TRERF1: variants seen among roughly 807,000 people sequenced by gnomAD.
TRERF1 encodes transcriptional-regulating factor 1.
TRERF1 carries 27 observed loss-of-function variants against 122.9 expected under a neutral mutation model. The ratio of observed to expected loss-of-function variants is 0.22; its 90% confidence interval spans 0.16 to 0.30. The LOEUF (loss-of-function observed/expected upper bound fraction) is 0.30, where lower values mean the gene tolerates loss of function less well. Ranked by LOEUF, TRERF1 falls within the 10% of genes least tolerant of loss-of-function variation. The pLI is 1.00. For missense variants in TRERF1, 1,248 were observed against 1,560.3 expected (o/e 0.80, Z 3.37); for synonymous variants, 636 against 641.7 (o/e 0.99, Z 0.13).
At chr6:42,300,124 G>C (rs1206626923) in intron 4 of TRERF1, among the ~76,000 whole-genome samples, 1 of 152,138 alleles carries the variant, frequency 6.6e-6, no homozygotes, top group Admixed American at 6.5e-5. Flanking sequence ...TGAAAGCCAA[G>C]TCTTTGTGGT....
intron 2 of TRERF1, among the ~76,000 whole-genome samples, chr6:42,437,540 G>A (rs377088940): frequency 6.6e-6 from 1 of 152,294 alleles, no homozygotes; most frequent in East Asian, 1.9e-4. Context: ...GAGGCTCCAA[G>A]AGTTAGCGCT....
At chr6:42,244,091 G>A (rs1774303646) in intron 14 of TRERF1, among the ~76,000 whole-genome samples, 1 of 151,938 alleles carries the variant, frequency 6.6e-6, no homozygotes, top group Non-Finnish European at 1.5e-5. Flanking sequence ...ATGTTGGCCA[G>A]GCTAGTCTCG....
chr6:42,268,017 A>G lies in TRERF1; in HGVS notation c.1437+137T>C, dbSNP rs1779514418. On this transcript the variant is annotated intron_variant, in intron 5 of 17. Coordinates refer to ENST00000372922, the Ensembl canonical transcript of TRERF1. This position sits in a 1 kb window ranked among gnomAD's most constrained non-coding sequence, Gnocchi z 4.4. ...GTGCTTGGCACAGACAGTGCGTGAC[A>G]CATGTAGGTTAATGTTTGTGGAATT... The G allele has an allele frequency of 1.9e-6, 2 of 1,079,818 alleles. No homozygotes were observed. The highest frequency in any genetic ancestry group is 2.5e-6 in the Non-Finnish European group (2 of 811,326). The allele number at this position is 1,079,818 out of a possible 1,614,324, so 66.9% of individuals were successfully genotyped here. A position where few individuals can be genotyped will look rare whatever the true frequency, so the allele number is the denominator to read the frequency against.
chr6:42,293,710 T>C (rs756379334), intron 4 of TRERF1, among the ~76,000 whole-genome samples: 1 of 151,772 alleles, frequency 6.6e-6, no homozygotes, highest in Non-Finnish European at 1.5e-5. Flanking sequence ...TCAGATGGGG[T>C]TCTTTTAAGC....
At chr6:42,451,699 T>C (rs954980888) in intron 1 of TRERF1, among the ~76,000 whole-genome samples, 9 of 146,560 alleles carry the variant, frequency 6.1e-5, no homozygotes, top group African/African-American at 2.3e-4. Flanking sequence ...CAGGCTCTCC[T>C]GATGCTGGAA....
At chr6:42,391,951 C>CTG (rs1283470350) in intron 2 of TRERF1, among the ~76,000 whole-genome samples, 1 of 152,198 alleles carries the variant, frequency 6.6e-6, no homozygotes, top group East Asian at 1.9e-4. Flanking sequence ...TCAGGCTGGG[C>CTG]TGTGTCTCAG....
At chr6:42,240,776 G>C (rs1021534877) in intron 15 of TRERF1, among the ~76,000 whole-genome samples, 1 of 152,126 alleles carries the variant, frequency 6.6e-6, no homozygotes, top group Non-Finnish European at 1.5e-5. Flanking sequence ...GGGAGAGGAG[G>C]GAAGGGCCAT....
intron 3 of TRERF1, among the ~76,000 whole-genome samples, chr6:42,323,355 C>T (rs1327643227): frequency 6.6e-5 from 10 of 152,096 alleles, no homozygotes; most frequent in African/African-American, 1.4e-4. Flanking sequence ...TGCACCACCA[C>T]GCCCGGCTAA....
At chr6:42,390,427 A>G (rs1474933249) in intron 2 of TRERF1, among the ~76,000 whole-genome samples, 14 of 152,156 alleles carry the variant, frequency 9.2e-5, no homozygotes, top group Admixed American at 9.2e-4. Context: ...ACCATTTGAG[A>G]GAGCTATGTG....
At chr6:42,408,642 T>C (rs910700596) in intron 2 of TRERF1, among the ~76,000 whole-genome samples, 4 of 152,062 alleles carry the variant, frequency 2.6e-5, no homozygotes, top group Admixed American at 2.0e-4. Context: ...CCTCTCAAAG[T>C]GCTGGGATTA....
intron 3 of TRERF1, among the ~76,000 whole-genome samples, chr6:42,348,791 C>T (rs1029750057): frequency 5.9e-5 from 9 of 152,038 alleles, no homozygotes; most frequent in African/African-American, 2.2e-4. Context: ...CAACCATTGA[C>T]TGACTATTTA....
intron 3 of TRERF1, among the ~76,000 whole-genome samples, chr6:42,304,771 C>T (rs531066005): frequency 1.3e-5 from 2 of 152,300 alleles, no homozygotes; most frequent in East Asian, 3.9e-4. Flanking sequence ...TGCAAAATCA[C>T]TCCCAGTTGA....
At position 42,268,097 on chromosome 6, in the gene TRERF1, T is replaced by A; in HGVS notation, c.1437+57A>T. The A allele has an allele frequency of 7.2e-7, 1 of 1,392,182 alleles. No individual in the cohort carries two copies. Among genetic ancestry groups the A allele is most frequent in the South Asian group, 2.3e-5 (1 of 43,850 alleles). 86.2% of individuals were successfully genotyped at this position (1,392,182 alleles called of 1,614,324 possible). On this transcript the variant is annotated intron_variant, in intron 5 of 17. Transcript: ENST00000372922. The surrounding 1 kb of genome is among the most constrained non-coding windows in gnomAD (Gnocchi z 4.4). ...GGAGAGAGGATTGAGCACTGCAGAC[T>A]CAGCCCTGACCCTGTAGCACACTGG...
chr6:42,390,147 C>G (rs975207828), intron 2 of TRERF1, among the ~76,000 whole-genome samples: 2 of 152,188 alleles, frequency 1.3e-5, no homozygotes, highest in Non-Finnish European at 2.9e-5. Flanking sequence ...TCTACTTTCC[C>G]CACGTCTTCG....
rs1033113938 is a variant in TRERF1 at position 42,275,272 on chromosome 6, T to C, written c.-258-5424A>G. On this transcript the variant is annotated intron_variant, in intron 4 of 17. Coordinates refer to ENST00000372922, the Ensembl canonical transcript of TRERF1. The surrounding 1 kb of genome is among the most constrained non-coding windows in gnomAD (Gnocchi z 4.1). The stretch of plus-strand genomic sequence containing the variant: ...GCTCATTATGTGTAACAATTTCTAC[T>C]GGGTAATTTGTACCAGGAGCTTTTT... Among the ~76,000 whole-genome samples the C allele has an allele frequency of 6.6e-6, 1 of 152,274 alleles. No individual in the cohort carries two copies. Among genetic ancestry groups the C allele is most frequent in the African/African-American group, 2.4e-5 (1 of 41,482 alleles).
intron 2 of TRERF1, among the ~76,000 whole-genome samples, chr6:42,363,531 T>C (rs1426842800): frequency 6.6e-6 from 1 of 152,176 alleles, no homozygotes; most frequent in Non-Finnish European, 1.5e-5. Context: ...TCTATAACCA[T>C]GTCTTGGGGG....
intron 9 of TRERF1, among the ~76,000 whole-genome samples, 198 bp from the exon 10 acceptor site, chr6:42,258,399 G>C (rs1399370754): frequency 6.6e-6 from 1 of 152,230 alleles, no homozygotes; most frequent in Non-Finnish European, 1.5e-5. Flanking sequence ...TTCTCACACA[G>C]GGTGAGGAGA....
At chr6:42,380,052 G>A (rs1271428344) in intron 2 of TRERF1, among the ~76,000 whole-genome samples, 1 of 152,240 alleles carries the variant, frequency 6.6e-6, no homozygotes, top group Admixed American at 6.5e-5. Flanking sequence ...TACGACGGTT[G>A]GGGCAGAGGT....
chr6:42,295,565 C>G (rs1038736895), intron 4 of TRERF1, among the ~76,000 whole-genome samples: 1 of 152,210 alleles, frequency 6.6e-6, no homozygotes, highest in Non-Finnish European at 1.5e-5. Context: ...GCAGCCTCAC[C>G]TTGGCTGCCC....
Sources: gnomAD v4.1 joint callset for allele counts (sites outside exome capture counted in the v4.1 genomes callset) on GRCh38, gnomAD v4.1.1 for gene constraint, Gnocchi (gnomAD v3.1) non-coding constraint, MANE v1.5 for transcripts, NCBI Gene and HGNC (gene_info 2026-07-23, HGNC 2026-07-21) for gene names.